The following RRM2 variants were observed in gnomAD, a reference collection of about 807,000 sequenced individuals.
RRM2 encodes ribonucleotide reductase regulatory subunit M2, also known as ribonucleoside-diphosphate reductase subunit M2.
RRM2 carries 6 observed loss-of-function variants against 45.9 expected under a neutral mutation model. That is an observed-to-expected ratio of 0.13 (90% CI 0.07 to 0.26). The LOEUF is 0.26. Among genes scored for constraint, RRM2 ranks in the 10% least tolerant of loss-of-function variants. The probability of loss-of-function intolerance (pLI) is 1.00; values close to 1 mark genes in which losing one functional copy is unlikely to be tolerated. For synonymous variants in RRM2, 177 were observed against 173.0 expected, an observed-to-expected ratio of 1.02 and a Z score of -0.18; for missense variants, 343 against 489.5, an observed-to-expected ratio of 0.70 and a Z score of 2.82.
intron 3 of RRM2, among the ~76,000 whole-genome samples, chr2:10,191,030 C>T (rs967335690): frequency 6.6e-6 from 1 of 152,216 alleles, no homozygotes; most frequent in African/African-American, 2.4e-5. Context: ...CTACAAAGAA[C>T]AAACCACTGG....
At chr2:10,162,146 A>C (rs1034760751) in intron 3 of RRM2, among the ~76,000 whole-genome samples, 1 of 152,032 alleles carries the variant, frequency 6.6e-6, no homozygotes, top group African/African-American at 2.4e-5. Flanking sequence ...CCTGCTGTTT[A>C]GTGGGAAGAG....
chr2:10,197,159 T>G (rs1031467851), intron 3 of RRM2, among the ~76,000 whole-genome samples: 1 of 152,358 alleles, frequency 6.6e-6, no homozygotes, highest in African/African-American at 2.4e-5. Flanking sequence ...ACTCAGCCTC[T>G]GAGCCTCAAC....
intron 3 of RRM2, among the ~76,000 whole-genome samples, chr2:10,155,395 C>T (rs527637854): frequency 1.3e-5 from 2 of 152,334 alleles, no homozygotes; most frequent in South Asian, 4.1e-4. Context: ...GTACCTTGCT[C>T]ATTCATCCAT....
At chr2:10,137,738 C>T (rs1042437905), upstream of RRM2, among the ~76,000 whole-genome samples, 2 of 152,202 alleles carry the variant, frequency 1.3e-5, no homozygotes, top group Non-Finnish European at 2.9e-5. Flanking sequence ...CCAGAAAGCC[C>T]TGGGGCAGCA....
At chr2:10,141,407 A>G (rs886491317) in exon 1 of RRM2, 1 of 165,082 alleles carries the variant, frequency 6.1e-6, no homozygotes, top group African/African-American at 2.5e-5. Flanking sequence ...CACGCATCTC[A>G]TGCTGTGCTA....
intron 3 of RRM2, among the ~76,000 whole-genome samples, chr2:10,168,251 G>T (rs374997808): frequency 6.6e-6 from 1 of 151,954 alleles, no homozygotes; most frequent in Admixed American, 6.5e-5. Context: ...TACCTAAGGC[G>T]ATAGTTCCTT....
Position 10,127,240 on chromosome 2 carries a change from T to G in RRM2, c.798+20T>G, listed in dbSNP as rs1389447131. The G allele has an allele frequency of 6.2e-7, 1 of 1,606,594 alleles. No individual in the cohort carries two copies. The highest frequency in any genetic ancestry group is 1.7e-5 in the Admixed American group (1 of 59,884). ...GATGAGGTGAGTCTAAGTCAAATAA[T>G]AGGGTGACCTAAACCCCAAACACAA... On this transcript the variant is annotated intron_variant, in intron 7 of 9. Transcript: ENST00000304567. This position sits in a 1 kb window ranked among gnomAD's most constrained non-coding sequence, Gnocchi z 4.1.
chr2:10,135,033 AATC>A (rs1662966862), downstream of RRM2, among the ~76,000 whole-genome samples: 1 of 152,262 alleles, frequency 6.6e-6, no homozygotes, highest in African/African-American at 2.4e-5. Flanking sequence ...AAGATTATGA[AATC>A]ATATCTTCAA....
chr2:10,209,833 C>T (rs1664727205), intron 3 of RRM2, among the ~76,000 whole-genome samples: 2 of 152,210 alleles, frequency 1.3e-5, no homozygotes, highest in Non-Finnish European at 2.9e-5. Context: ...TGAGAGCTTA[C>T]TCCCAGAATG....
At position 10,171,874 on chromosome 2, in the gene RRM2, G is replaced by GA. The variant is rs1663813599; in HGVS notation, n.482+29502dup. Among the ~76,000 whole-genome samples, 1 of 152,208 alleles carries GA rather than the reference G, an allele frequency of 6.6e-6. No homozygotes were observed. The highest frequency in any genetic ancestry group is 2.1e-4 in the South Asian group (1 of 4,830). ...GTCTCAGGAACAAACAAAATATACA[G>GA]AAACTTGGCCCTTGTGTTGCTCAGG... is the stretch of plus-strand genomic sequence containing the variant. On this transcript the variant is annotated intron_variant and non_coding_transcript_variant, in intron 3 of 3. Transcript: ENST00000381786. This position sits in a 1 kb window ranked among gnomAD's most constrained non-coding sequence, Gnocchi z 4.1.
chr2:10,170,822 G>A (rs1663786740), intron 3 of RRM2, among the ~76,000 whole-genome samples: 1 of 152,170 alleles, frequency 6.6e-6, no homozygotes, highest in African/African-American at 2.4e-5. Context: ...CCCAGCCACA[G>A]CCCTTTGAGA....
At chr2:10,200,486 A>ATCTAAG in intron 3 of RRM2, among the ~76,000 whole-genome samples, 1 of 59,092 alleles carries the variant, frequency 1.7e-5, no homozygotes, top group African/African-American at 6.6e-5. Context: ...TGAGGCCCAC[A>ATCTAAG]GGCACCGCGC....
intron 4 of RRM2, chr2:10,124,079 A>C: frequency 8.1e-6 from 4 of 492,424 alleles, no homozygotes; most frequent in Non-Finnish European, 1.1e-5. Flanking sequence ...CAATGTGATG[A>C]CTCTTTGTGG....
At chr2:10,192,928 C>T (rs184441452) in intron 3 of RRM2, among the ~76,000 whole-genome samples, 3 of 152,342 alleles carry the variant, frequency 2.0e-5, no homozygotes, top group East Asian at 3.9e-4. Flanking sequence ...GTCTCTGACC[C>T]GCATGTCCCT....
At chr2:10,186,123 G>C (rs796920356) in intron 3 of RRM2, among the ~76,000 whole-genome samples, 28 of 152,256 alleles carry the variant, frequency 1.8e-4, no homozygotes, top group African/African-American at 6.0e-4. Flanking sequence ...GACTGAATTG[G>C]CCTTTTGATA....
At chr2:10,179,889 C>T (rs1163529503) in intron 3 of RRM2, among the ~76,000 whole-genome samples, 2 of 152,214 alleles carry the variant, frequency 1.3e-5, no homozygotes, top group Non-Finnish European at 2.9e-5. Context: ...ATTATTATGA[C>T]ATTCTGGGGA....
chr2:10,123,236 C>T lies in RRM2; in HGVS notation c.175-151C>T. ...CATTTCCCGGTTCGGGCGTGCGCTCCTCTGCTGCGACCCACGGAGTGCGAC... is the reference window on the plus strand; with the variant it reads ...CATTTCCCGGTTCGGGCGTGCGCTCTTCTGCTGCGACCCACGGAGTGCGAC... On this transcript the variant is annotated intron_variant, in intron 2 of 9. Transcript: ENST00000304567. 4.7e-6 allele frequency: 6 copies of T among 1,289,566 alleles called. No homozygotes were observed. The South Asian group carries it at 6.0e-5, about 13-fold the overall frequency. 79.9% of individuals were successfully genotyped at this position (1,289,566 alleles called of 1,614,324 possible).
At position 10,163,178 on chromosome 2, in the gene RRM2, C is replaced by T. The variant is rs570226515; in HGVS notation, n.482+20803C>T. Among the ~76,000 whole-genome samples the T allele has an allele frequency of 1.3e-4, 20 of 152,314 alleles. No individual in the cohort carries two copies. The East Asian group carries it at 1.9e-3, about 15-fold the overall frequency. On this transcript the variant is annotated intron_variant and non_coding_transcript_variant, in intron 3 of 3. Coordinates refer to the RRM2 transcript ENST00000381786. ...AGCTGAACCTGCTTAATTGTGCCTG[C>T]GAAGGCTATTCAGAGAGACTGCTCT...
chr2:10,149,022 C>T (rs985796164), intron 3 of RRM2, among the ~76,000 whole-genome samples: 8 of 152,208 alleles, frequency 5.3e-5, no homozygotes, highest in East Asian at 3.9e-4. Context: ...TTTGAAGATA[C>T]GATGTTTTTC....
Sources: allele counts gnomAD v4.1 joint callset (sites outside exome capture counted in the v4.1 genomes callset), GRCh38; gene constraint gnomAD v4.1.1; non-coding constraint Gnocchi (gnomAD v3.1); transcripts MANE v1.5; gene names NCBI Gene and HGNC (gene_info 2026-07-23, HGNC 2026-07-21).